The following BBX variants were observed in gnomAD, a reference collection of about 807,000 sequenced individuals.
BBX encodes HMG box transcription factor BBX.
A neutral mutation model predicts 100.2 loss-of-function variants in BBX; 30 were observed. The observed-to-expected ratio is 0.30, with a 90% CI of 0.22 to 0.41. BBX has a LOEUF of 0.41. BBX is among the 10% of genes least tolerant of loss of function. The probability of loss-of-function intolerance (pLI) is 1.00; values close to 1 mark genes in which losing one functional copy is unlikely to be tolerated. For missense variants in BBX, 1,023 were observed against 1,129.8 expected (o/e 0.91, Z 1.35); for synonymous variants, 376 against 388.1 (o/e 0.97, Z 0.37).
At chr3:107,529,564 G>C (rs1057238928) in intron 2 of BBX, among the ~76,000 whole-genome samples, 2 of 152,208 alleles carry the variant, frequency 1.3e-5, no homozygotes, top group Non-Finnish European at 2.9e-5. Context: ...CTTCCAGCTT[G>C]AAGATTCTGT....
chr3:107,670,072 A>G (rs1271120660), intron 3 of BBX, among the ~76,000 whole-genome samples: 4 of 152,146 alleles, frequency 2.6e-5, no homozygotes, highest in Non-Finnish European at 5.9e-5. Context: ...AGTTTGAATC[A>G]GATGTTATGT....
chr3:107,607,662 T>C (rs977699271), intron 2 of BBX, among the ~76,000 whole-genome samples: 5 of 152,206 alleles, frequency 3.3e-5, no homozygotes, highest in Non-Finnish European at 5.9e-5. Context: ...GTTGTACTGA[T>C]TTACATTCCC....
intron 2 of BBX, among the ~76,000 whole-genome samples, chr3:107,569,589 A>C (rs2051191070): frequency 1.3e-5 from 2 of 152,130 alleles, no homozygotes; most frequent in Non-Finnish European, 2.9e-5. Context: ...AGGGAAGCAG[A>C]TAATGTAGTT....
At chr3:107,740,705 A>G (rs1034290080) in intron 7 of BBX, among the ~76,000 whole-genome samples, 1 of 151,948 alleles carries the variant, frequency 6.6e-6, no homozygotes, top group Non-Finnish European at 1.5e-5. Flanking sequence ...TCTTACCTTC[A>G]TACTTTCCCA....
intron 9 of BBX, among the ~76,000 whole-genome samples, chr3:107,748,886 C>T (rs1263071534): frequency 6.6e-6 from 1 of 151,886 alleles, no homozygotes; most frequent in East Asian, 1.9e-4. Context: ...CACTTTGATT[C>T]ATTTGAATAA....
intron 2 of BBX, among the ~76,000 whole-genome samples, chr3:107,535,499 T>C (rs758987713): frequency 2.0e-5 from 3 of 152,116 alleles, no homozygotes; most frequent in Non-Finnish European, 4.4e-5. Context: ...TTAATATTTA[T>C]TAATTCCTCT....
At chr3:107,767,237 C>T (rs1560121486) in intron 10 of BBX, among the ~76,000 whole-genome samples, 1 of 152,096 alleles carries the variant, frequency 6.6e-6, no homozygotes, top group Non-Finnish European at 1.5e-5. Context: ...TCCTATGCCC[C>T]CTGCTTCCAT....
intron 2 of BBX, among the ~76,000 whole-genome samples, chr3:107,598,164 AT>A (rs2107611266): frequency 6.6e-6 from 1 of 152,278 alleles, no homozygotes; most frequent in Non-Finnish European, 1.5e-5. Context: ...GTATTTTGGC[AT>A]CTTAATTTTT....
intron 16 of BBX, 135 bp downstream of exon 16, chr3:107,798,855 A>C (rs2070063796): frequency 1.4e-5 from 14 of 1,004,906 alleles, no homozygotes; most frequent in Admixed American, 2.9e-5. Flanking sequence ...AAAAAACAAA[A>C]ACAAAAAAAA....
At chr3:107,697,813 G>A (rs1210138589) in intron 3 of BBX, among the ~76,000 whole-genome samples, 1 of 151,874 alleles carries the variant, frequency 6.6e-6, no homozygotes, top group African/African-American at 2.4e-5. Context: ...CCACCTTGCA[G>A]TTTGATCTCA....
At chr3:107,584,020 TTATTA>T (rs1193069627) in intron 2 of BBX, among the ~76,000 whole-genome samples, 16 of 77,526 alleles carry the variant, frequency 2.1e-4, no homozygotes, top group African/African-American at 7.7e-4. Context: ...ATTATACATA[TTATTA>T]TATATATTAA....
rs1293918645 is a variant in BBX, at chr3:107,613,979, GTC to G, written c.-83-31849_-83-31848del. Among the ~76,000 whole-genome samples, 87 of 115,958 alleles carry G rather than the reference GTC, an allele frequency of 7.5e-4. 3 individuals carry two copies. In the South Asian group the frequency reaches 0.026, roughly 35 times the overall value. The allele number at this position is 115,958 out of a possible 152,430, so 76.1% of individuals were successfully genotyped here. On this transcript the variant is annotated intron_variant, in intron 2 of 17. Coordinates refer to ENST00000325805, the MANE Select transcript of BBX (RefSeq NM_001142568.3). The stretch of plus-strand genomic sequence containing the variant: ...TTTTTTTTTTTTTTTTTGAGATGGA[GTC>G]TCTCTCTGTCACCAGGCTGGAGTGC...
rs114222831 is a variant in BBX at position 107,612,809 on chromosome 3, G to A, written c.-83-33027G>A. On this transcript the variant is annotated intron_variant, in intron 2 of 17. Coordinates refer to ENST00000325805, the MANE Select transcript of BBX (RefSeq NM_001142568.3). ...AGTCAGCAGATAGTCAAGGCAGGCA[G>A]TCTTGTGTCCTTCTGTTCAGGGTGG... Among the ~76,000 whole-genome samples the A allele has an allele frequency of 5.6e-3, 846 of 152,328 alleles. 7 individuals carry two copies. Among genetic ancestry groups the A allele is most frequent in the African/African-American group, 0.02 (813 of 41,576 alleles).
intron 3 of BBX, among the ~76,000 whole-genome samples, chr3:107,650,319 G>T (rs1015285264): frequency 6.6e-5 from 10 of 152,008 alleles, no homozygotes; most frequent in African/African-American, 2.2e-4. Context: ...AGGGATCTAG[G>T]TTGCATGCTC....
chr3:107,648,519 GTAC>G (rs1296831191), intron 3 of BBX, among the ~76,000 whole-genome samples: 1 of 152,066 alleles, frequency 6.6e-6, no homozygotes, highest in Admixed American at 6.5e-5. Flanking sequence ...GAGGAAATGG[GTAC>G]TTCGCTTTTT....
intron 3 of BBX, among the ~76,000 whole-genome samples, chr3:107,694,052 G>T (rs2060387156): frequency 7.0e-6 from 1 of 142,048 alleles, no homozygotes; most frequent in South Asian, 2.3e-4. Flanking sequence ...TTTGTATCCT[G>T]AGACTTTGCT....
At position 107,755,499 on chromosome 3, in the gene BBX, A is replaced by G; in HGVS notation, c.826-99A>G. 3.0e-6 allele frequency: 3 copies of G among 999,706 alleles called. No individual in the cohort carries two copies. The South Asian group carries it at 4.0e-5, about 13-fold the overall frequency. 61.9% of individuals were successfully genotyped at this position (999,706 alleles called of 1,614,324 possible). On this transcript the variant is annotated intron_variant, in intron 9 of 17. Transcript: ENST00000325805. ...TTACTTGGTACATGGGAGCAATGATACTCTCGTAACTAAGAAAAATTCCTG... is the reference window on the plus strand; with the variant it reads ...TTACTTGGTACATGGGAGCAATGATGCTCTCGTAACTAAGAAAAATTCCTG...
At chr3:107,697,005 C>G (rs2060655966) in intron 3 of BBX, among the ~76,000 whole-genome samples, 1 of 151,894 alleles carries the variant, frequency 6.6e-6, no homozygotes, top group South Asian at 2.1e-4. Flanking sequence ...CCTGAGACTT[C>G]TGCATTCTTC....
chr3:107,728,365 C>T (rs1468045820), intron 5 of BBX, among the ~76,000 whole-genome samples: 1 of 152,164 alleles, frequency 6.6e-6, no homozygotes, highest in South Asian at 2.1e-4. Context: ...AGGTTGAGGC[C>T]CAGAGAAGCT....
Sources: gnomAD v4.1 joint callset for allele counts (sites outside exome capture counted in the v4.1 genomes callset) on GRCh38, gnomAD v4.1.1 for gene constraint, MANE v1.5 for transcripts, NCBI Gene and HGNC (gene_info 2026-07-23, HGNC 2026-07-21) for gene names.